OSBPL1A: variants seen among roughly 807,000 people sequenced by gnomAD.
OSBPL1A encodes oxysterol-binding protein-related protein 1.
A neutral mutation model predicts 137.1 loss-of-function variants in OSBPL1A; 80 were observed. That is an observed-to-expected ratio of 0.58 (90% CI 0.49 to 0.70). The LOEUF is 0.70. OSBPL1A is among the 30% of genes least tolerant of loss of function. OSBPL1A has a pLI of 0.00. For synonymous variants in OSBPL1A, 365 were observed against 389.7 expected (o/e 0.94, Z 0.75); for missense variants, 970 against 1,129.4 (o/e 0.86, Z 2.02).
intron 15 of OSBPL1A, among the ~76,000 whole-genome samples, chr18:24,251,630 C>A (rs2089100905): frequency 6.6e-6 from 1 of 152,138 alleles, no homozygotes; most frequent in Non-Finnish European, 1.5e-5. Flanking sequence ...ACTGTGAAAA[C>A]TACAATAAAT....
chr18:24,351,765 C>G (rs2091446023), intron 4 of OSBPL1A, among the ~76,000 whole-genome samples: 1 of 152,122 alleles, frequency 6.6e-6, no homozygotes, highest in Non-Finnish European at 1.5e-5. Flanking sequence ...GTCTGGAACT[C>G]CTGACCTCAG....
intron 16 of OSBPL1A, among the ~76,000 whole-genome samples, chr18:24,227,068 T>C (rs1599526440): frequency 6.6e-6 from 1 of 152,108 alleles, no homozygotes; most frequent in Non-Finnish European, 1.5e-5. Flanking sequence ...ATTTTTTGTA[T>C]TTTTAGTAAA....
intron 1 of OSBPL1A, among the ~76,000 whole-genome samples, chr18:24,392,654 A>G (rs1292395252): frequency 6.6e-6 from 1 of 152,250 alleles, no homozygotes; most frequent in Non-Finnish European, 1.5e-5. Flanking sequence ...TCTTAAAAAC[A>G]TAAAAACCAG....
chr18:24,175,525 T>C (rs891779660), intron 21 of OSBPL1A, among the ~76,000 whole-genome samples: 2 of 152,168 alleles, frequency 1.3e-5, no homozygotes, highest in African/African-American at 4.8e-5. Flanking sequence ...GAATTCTTTA[T>C]ATATTGTGGC....
intron 4 of OSBPL1A, among the ~76,000 whole-genome samples, chr18:24,348,777 A>C (rs2091389079): frequency 6.6e-6 from 1 of 152,032 alleles, no homozygotes; most frequent in Non-Finnish European, 1.5e-5. Flanking sequence ...GTCTCAAAAA[A>C]GAAAAAAAAG....
chr18:24,335,169 G>C (rs1413166234), intron 5 of OSBPL1A, among the ~76,000 whole-genome samples: 1 of 152,162 alleles, frequency 6.6e-6, no homozygotes. Flanking sequence ...GAGATTATAG[G>C]CATGAGCCAC....
intron 12 of OSBPL1A, among the ~76,000 whole-genome samples, chr18:24,313,845 T>C (rs2090670313): frequency 6.6e-6 from 1 of 152,372 alleles, no homozygotes; most frequent in South Asian, 2.1e-4. Context: ...CTCATGCCTG[T>C]AATCCCAGCA....
chr18:24,176,953 C>T (rs1425492328), intron 21 of OSBPL1A, among the ~76,000 whole-genome samples: 1 of 152,252 alleles, frequency 6.6e-6, no homozygotes, highest in Non-Finnish European at 1.5e-5. Flanking sequence ...CGCTTTCTCT[C>T]CCCTCCGGCT....
chr18:24,305,278 A>G (rs1158184925), intron 13 of OSBPL1A, among the ~76,000 whole-genome samples: 2 of 152,172 alleles, frequency 1.3e-5, no homozygotes, highest in Admixed American at 6.5e-5. Context: ...CTTCAAATAC[A>G]TGAATCACAT....
At chr18:24,275,304 C>T (rs2146065109) in intron 15 of OSBPL1A, among the ~76,000 whole-genome samples, 1 of 152,070 alleles carries the variant, frequency 6.6e-6, no homozygotes, top group East Asian at 1.9e-4. Flanking sequence ...CAGCAAAAGG[C>T]TAGAGGAAAG....
chr18:24,269,691 C>T (rs566466121), intron 15 of OSBPL1A, among the ~76,000 whole-genome samples: 1 of 152,080 alleles, frequency 6.6e-6, no homozygotes, highest in Admixed American at 6.5e-5. Flanking sequence ...ATAACTCATG[C>T]AAAATTAATC....
chr18:24,248,718 GA>G (rs770477556), intron 15 of OSBPL1A, among the ~76,000 whole-genome samples: 2 of 152,132 alleles, frequency 1.3e-5, no homozygotes, highest in Non-Finnish European at 1.5e-5. Flanking sequence ...CCAAATCTAG[GA>G]CAGAGCCCCT....
At chr18:24,350,472 G>T (rs913228302) in intron 4 of OSBPL1A, among the ~76,000 whole-genome samples, 3 of 152,028 alleles carry the variant, frequency 2.0e-5, no homozygotes, top group Non-Finnish European at 4.4e-5. Flanking sequence ...GGTGGGGGTA[G>T]GTAGAGATAG....
chr18:24,352,136 T>A (rs899789557), intron 4 of OSBPL1A, among the ~76,000 whole-genome samples: 1 of 151,944 alleles, frequency 6.6e-6, no homozygotes, highest in Non-Finnish European at 1.5e-5. Flanking sequence ...CAAAACCTCG[T>A]CTCTACAAAA....
intron 15 of OSBPL1A, 52 bp downstream of exon 15, chr18:24,280,790 C>T (rs1487332699): frequency 1.3e-5 from 17 of 1,271,540 alleles, no homozygotes; most frequent in South Asian, 4.7e-5. Context: ...TGGACAACCA[C>T]GCATGCAACA....
intron 4 of OSBPL1A, among the ~76,000 whole-genome samples, chr18:24,342,881 C>T (rs965904019): frequency 2.6e-5 from 4 of 151,792 alleles, no homozygotes; most frequent in Admixed American, 2.6e-4. Context: ...ATAAAATGTA[C>T]TACCACATTA....
Position 24,317,169 on chromosome 18 carries a change from G to A in OSBPL1A, c.850C>T (p.Leu284=), listed in dbSNP as rs746568499. 1 of 1,613,838 alleles carries A rather than the reference G, an allele frequency of 6.2e-7. No homozygotes were observed. The highest frequency in any genetic ancestry group is 1.1e-5 in the South Asian group (1 of 91,076). ...CCTACCGTGCATACTGCTTGAGTCA[G>A]GTGTTTGCATCCCTGGCGATAAATA... The part of the protein sequence containing the change: ...HNIYRQGCKH[L]TQAVCTVKST... Residue 284 remains leucine (L), a synonymous_variant, in exon 11 of 28, where the codon CTG becomes TTG. Coordinates refer to ENST00000319481, the MANE Select transcript of OSBPL1A (RefSeq NM_080597.4).
intron 23 of OSBPL1A, 158 bp from the exon 24 acceptor site, chr18:24,170,611 C>T: frequency 8.5e-6 from 6 of 704,216 alleles, no homozygotes. Context: ...TTCAGGGTGG[C>T]ATCGCCATAG....
chr18:24,211,811 A>T (rs1048434036), intron 17 of OSBPL1A, among the ~76,000 whole-genome samples: 1 of 152,094 alleles, frequency 6.6e-6, no homozygotes, highest in African/African-American at 2.4e-5. Context: ...TAAAATACAC[A>T]AATTAGCTGG....
Sources: allele counts gnomAD v4.1 joint callset (sites outside exome capture counted in the v4.1 genomes callset), GRCh38; gene constraint gnomAD v4.1.1; transcripts MANE v1.5; gene names NCBI Gene and HGNC (gene_info 2026-07-23, HGNC 2026-07-21).